CD33: variants seen among roughly 807,000 people sequenced by gnomAD.
CD33 encodes myeloid cell surface antigen CD33.
In CD33, 25 loss-of-function variants were observed where a neutral mutation model predicts 31.4. The observed-to-expected ratio is 0.80, with a 90% CI of 0.58 to 1.11. CD33 has a LOEUF of 1.11. Ranked by LOEUF, CD33 falls within the 50% of genes most tolerant of loss-of-function variation. The pLI is 0.00. For synonymous variants in CD33, 176 were observed against 180.6 expected, an observed-to-expected ratio of 0.97 and a Z score of 0.20; for missense variants, 407 against 448.1, an observed-to-expected ratio of 0.91 and a Z score of 0.83.
intron 4 of CD33, among the ~76,000 whole-genome samples, chr19:51,227,321 T>C (rs1981106383): frequency 6.6e-6 from 1 of 152,218 alleles, no homozygotes; most frequent in Non-Finnish European, 1.5e-5. Flanking sequence ...GTTATACTAG[T>C]TTACATTCTG....
intron 4 of CD33, among the ~76,000 whole-genome samples, chr19:51,233,200 G>A (rs1052925225): frequency 2.6e-4 from 39 of 152,236 alleles, no homozygotes; most frequent in Admixed American, 2.5e-3. Flanking sequence ...CTCAGAGCCT[G>A]TGTGTGAGCA....
chr19:51,211,135 G>A, the CD33 span: 1 of 1,600,992 alleles, frequency 6.2e-7, no homozygotes, highest in African/African-American at 1.3e-5. Context: ...TGCTGCCCCT[G>A]CTGTGGGCAG....
intron 6 of CD33, 172 bp downstream of exon 6, chr19:51,235,848 G>T: frequency 1.4e-6 from 1 of 721,260 alleles, no homozygotes; most frequent in Non-Finnish European, 2.5e-6. Flanking sequence ...CAGATCAGGA[G>T]ATGATGGCCA....
At chr19:51,222,798 T>G (rs997132549), upstream of CD33, among the ~76,000 whole-genome samples, 3 of 152,220 alleles carry the variant, frequency 2.0e-5, no homozygotes, top group African/African-American at 7.2e-5. Flanking sequence ...AAATGTGAAC[T>G]TCAAGTAGGT....
chr19:51,227,160 G>A lies in CD33; in HGVS notation c.745+804G>A, dbSNP rs375998504. On this transcript the variant is annotated intron_variant, in intron 4 of 6. Transcript: ENST00000262262. The stretch of plus-strand genomic sequence containing the variant: ...GTTTATTTCATATCTTCCTATTGTG[G>A]ATAATGCTGCAATAAACATTGAGGT... 1.5e-4 allele frequency among the ~76,000 whole-genome samples: 23 copies of A among 152,012 alleles called. 1 individual carries two copies. Among genetic ancestry groups the A allele is most frequent in the South Asian group, 4.2e-4 (2 of 4,808 alleles).
intron 4 of CD33, among the ~76,000 whole-genome samples, chr19:51,231,218 C>T (rs949332459): frequency 2.2e-4 from 33 of 152,254 alleles, no homozygotes; most frequent in Admixed American, 6.5e-4. Flanking sequence ...CACTTCTGCA[C>T]GTCCTCACCA....
At chr19:51,217,939 T>C in the CD33 span, among the ~76,000 whole-genome samples, 569 of 152,338 alleles carry the variant, frequency 3.7e-3, 3 homozygotes, top group African/African-American at 0.012. Flanking sequence ...CAATCATCCA[T>C]GGATAAGCAT....
intron 6 of CD33, chr19:51,238,970 A>C (rs1361828410): frequency 6.6e-6 from 1 of 152,396 alleles, no homozygotes; most frequent in African/African-American, 2.4e-5. Flanking sequence ...CACAAGGAAA[A>C]GCCTGGGTTT....
chr19:51,218,705 G>A, the CD33 span, among the ~76,000 whole-genome samples: 1 of 152,138 alleles, frequency 6.6e-6, no homozygotes, highest in Non-Finnish European at 1.5e-5. Flanking sequence ...GTTTGTGTAT[G>A]GTGAGAGATA....
chr19:51,233,737 G>A (rs764541001), intron 4 of CD33, among the ~76,000 whole-genome samples: 1 of 152,216 alleles, frequency 6.6e-6, no homozygotes, highest in Non-Finnish European at 1.5e-5. Flanking sequence ...ACTGGAGGTT[G>A]GTTGGATTCC....
chr19:51,239,942 G>C lies in CD33; in HGVS notation c.*254G>C. 1.2e-5 allele frequency: 4 copies of C among 322,186 alleles called. No homozygotes were observed. Among genetic ancestry groups the C allele is most frequent in the Non-Finnish European group, 1.1e-5 (2 of 177,310 alleles). 20.0% of individuals were successfully genotyped at this position (322,186 alleles called of 1,614,324 possible). ...CTTCCATGTCTCCATTTTCTTCTCT[G>C]TGAAGTAGGTATAAGAAGTCCTATC... On this transcript the variant is annotated 3_prime_UTR_variant, in exon 7 of 7. Transcript: ENST00000262262.
the CD33 span, among the ~76,000 whole-genome samples, chr19:51,218,069 TG>T: frequency 3.9e-5 from 6 of 152,350 alleles, no homozygotes; most frequent in South Asian, 1.0e-3. Context: ...TTGGATCAAA[TG>T]GTAGTTCTAT....
At chr19:51,212,008 G>A in the CD33 span, 1 of 1,036,020 alleles carries the variant, frequency 9.7e-7, no homozygotes, top group South Asian at 1.2e-5. Flanking sequence ...AACCTCACCT[G>A]TCGAGTGACG....
chr19:51,226,429 T>C, intron 4 of CD33, 73 bp downstream of exon 4: 1 of 1,358,274 alleles, frequency 7.4e-7, no homozygotes, highest in Non-Finnish European at 1.1e-6. Context: ...GATCTGGACT[T>C]TCAGAGTCAA....
At chr19:51,223,901 A>G (rs1980809141), upstream of CD33, among the ~76,000 whole-genome samples, 1 of 152,134 alleles carries the variant, frequency 6.6e-6, no homozygotes, top group Admixed American at 6.5e-5. Flanking sequence ...GCCAGACAGC[A>G]TGTGTGTGTG....
Position 51,226,347 on chromosome 19 carries a change from G to C in CD33, c.736G>C (p.Asp246His). 1 of 1,613,840 alleles carries C rather than the reference G, an allele frequency of 6.2e-7. No individual in the cohort carries two copies. The highest frequency in any genetic ancestry group is 8.5e-7 in the Non-Finnish European group (1 of 1,179,790). Residue 246 changes from aspartate to histidine, a missense_variant, in exon 4 of 7, where the codon GAT becomes CAT. By Grantham distance (81) the Asp-to-His change is moderately conservative (BLOSUM62 -1). Transcript: ENST00000262262. ...QNPTTGIFPG[D>H]GSGKQETRAG... Reference sequence around the variant, plus strand: ...CCCAACAACTGGTATCTTTCCAGGAGATGGCTCAGGTAGGAAGGAGCCTCC... The same window carrying C: ...CCCAACAACTGGTATCTTTCCAGGACATGGCTCAGGTAGGAAGGAGCCTCC...
Position 51,226,321 on chromosome 19 carries a change from ACCCAACAACTGGTATCTTT to A in CD33, c.713_731del (p.Pro238GlnfsTer38), listed in dbSNP as rs201473304. The A allele has an allele frequency of 6.8e-4, 1,100 of 1,613,710 alleles. 18 individuals carry two copies. The East Asian group carries it at 0.023, about 34-fold the overall frequency. ...CTTCCTCTCCTAGATGTTCCACAGA[ACCCAACAACTGGTATCTTT>A]CCAGGAGATGGCTCAGGTAGGAAGG... On this transcript the variant is annotated frameshift_variant, in exon 4 of 7. Transcript: ENST00000262262. LOFTEE classifies it high-confidence loss of function.
the CD33 span, among the ~76,000 whole-genome samples, chr19:51,219,885 G>A: frequency 2.6e-5 from 4 of 152,118 alleles, no homozygotes; most frequent in Non-Finnish European, 4.4e-5. Flanking sequence ...CTACTTGATC[G>A]TGACGAATTA....
chr19:51,231,137 C>G (rs549967374), intron 4 of CD33, among the ~76,000 whole-genome samples: 9 of 152,332 alleles, frequency 5.9e-5, no homozygotes, highest in African/African-American at 2.2e-4. Context: ...ATATGCTAAA[C>G]CGTCACAGCT....
Sources: allele counts gnomAD v4.1 joint callset (sites outside exome capture counted in the v4.1 genomes callset), GRCh38; gene constraint gnomAD v4.1.1; transcripts MANE v1.5; gene names NCBI Gene and HGNC (gene_info 2026-07-23, HGNC 2026-07-21).